The following DMD variants were observed in gnomAD, a reference collection of about 807,000 sequenced individuals.
DMD encodes mutant dystrophin.
A neutral mutation model predicts 330.1 loss-of-function variants in DMD; 63 were observed. That is an observed-to-expected ratio of 0.19 (90% confidence interval 0.16 to 0.24). DMD has a LOEUF of 0.24. Among genes scored for constraint, DMD ranks in the 10% least tolerant of loss-of-function variants. DMD has a pLI of 1.00. For synonymous variants in DMD, 1,223 were observed against 959.8 expected, an observed-to-expected ratio of 1.27 and a Z score of -5.07; for missense variants, 3,344 against 2,684.1, an observed-to-expected ratio of 1.25 and a Z score of -5.43.
chrX:31,320,916 T>G (rs1408469075), intron 62 of DMD, among the ~76,000 whole-genome samples: 1 of 111,397 alleles, frequency 9.0e-6, no homozygotes, highest in African/African-American at 3.3e-5. Context: ...AAGGTCTCCA[T>G]ACTCACCTTT....
chrX:33,027,302 A>G (rs1288484934), intron 1 of DMD, among the ~76,000 whole-genome samples: 1 of 111,639 alleles, frequency 9.0e-6, no homozygotes. Flanking sequence ...AAGATGTACG[A>G]AGAAGGCCGT....
Position 32,417,056 on chromosome X carries a change from T to A in DMD, c.4072-5143A>T, listed in dbSNP as rs184292041. 2.2e-3 allele frequency among the ~76,000 whole-genome samples: 245 copies of A among 112,211 alleles called. 1 individual carries two copies. The highest frequency in any genetic ancestry group is 4.0e-3 in the Non-Finnish European group (215 of 53,260). On this transcript the variant is annotated intron_variant, in intron 29 of 78. Transcript: ENST00000357033. ...CCTGACCTAACTCTTCTATTTAACTTAAGAGCAAGTGTGAAACTGTCACTA... is the reference window on the plus strand; with the variant it reads ...CCTGACCTAACTCTTCTATTTAACTAAAGAGCAAGTGTGAAACTGTCACTA...
intron 2 of DMD, among the ~76,000 whole-genome samples, chrX:32,925,143 GGGTT>G (rs1332628643): frequency 1.4e-5 from 1 of 73,956 alleles, no homozygotes; most frequent in Non-Finnish European, 2.5e-5. Flanking sequence ...CAAAAACTCT[GGGTT>G]TTTTTTTTTT....
At chrX:32,451,277 T>A (rs1013888019) in intron 26 of DMD, among the ~76,000 whole-genome samples, 1 of 111,267 alleles carries the variant, frequency 9.0e-6, no homozygotes, top group African/African-American at 3.3e-5. Flanking sequence ...GTGATTCTGA[T>A]GTCCATTCAG....
chrX:31,781,340 T>C (rs1445440230), intron 50 of DMD, among the ~76,000 whole-genome samples: 1 of 112,369 alleles, frequency 8.9e-6, no homozygotes, highest in African/African-American at 3.2e-5. Context: ...CTTACATGTC[T>C]CATTCAATAT....
At chrX:33,320,080 G>C (rs1381332874) in intron 1 of DMD, among the ~76,000 whole-genome samples, 2 of 111,253 alleles carry the variant, frequency 1.8e-5, no homozygotes, top group Non-Finnish European at 3.8e-5. Context: ...ATTGTATAGA[G>C]ATAAAAGCAG....
intron 43 of DMD, among the ~76,000 whole-genome samples, chrX:32,263,731 G>A (rs2097332851): frequency 9.0e-6 from 1 of 111,480 alleles, no homozygotes. Flanking sequence ...TCCTCTATAG[G>A]AAGGCCATCC....
chrX:31,981,162 A>G (rs1042480926), intron 44 of DMD, among the ~76,000 whole-genome samples: 5 of 111,786 alleles, frequency 4.5e-5, no homozygotes, highest in African/African-American at 1.6e-4. Context: ...ACAATGATCA[A>G]TTTAGACAAT....
chrX:31,312,436 T>C (rs1289828969), intron 62 of DMD, among the ~76,000 whole-genome samples: 1 of 112,110 alleles, frequency 8.9e-6, no homozygotes, highest in African/African-American at 3.2e-5. Flanking sequence ...AGAATGGTGA[T>C]TATTAAAAAG....
intron 1 of DMD, among the ~76,000 whole-genome samples, chrX:33,337,224 A>T (rs1423157225): frequency 1.8e-5 from 2 of 111,958 alleles, no homozygotes; most frequent in African/African-American, 3.2e-5. Flanking sequence ...GAGACAATTC[A>T]CAAAAGGAGA....
At chrX:32,935,028 GAGCGC>G (rs1354208229) in intron 2 of DMD, among the ~76,000 whole-genome samples, 1 of 113,125 alleles carries the variant, frequency 8.8e-6, no homozygotes, top group Non-Finnish European at 1.9e-5. Context: ...CCCCAGGCTG[GAGCGC>G]AGTGGCGCGA....
intron 48 of DMD, among the ~76,000 whole-genome samples, chrX:31,871,179 G>A (rs754489194): frequency 7.9e-4 from 88 of 111,299 alleles, no homozygotes; most frequent in Middle Eastern, 9.2e-3. Context: ...GGAAAGGGCT[G>A]TGATTACGCC....
chrX:31,889,645 T>TCACA (rs1335260703), intron 47 of DMD, among the ~76,000 whole-genome samples: 11 of 67,619 alleles, frequency 1.6e-4, no homozygotes, highest in South Asian at 1.6e-3. Flanking sequence ...TCTCTCTCTC[T>TCACA]CTCACACACA....
chrX:31,317,661 G>A (rs1307960429), intron 62 of DMD, among the ~76,000 whole-genome samples: 1 of 109,280 alleles, frequency 9.2e-6, no homozygotes. Context: ...ACAGGCGCCC[G>A]CCACCACGCC....
rs771509836 is a variant in DMD at position 31,729,706 on chromosome X, C to G, written c.7585G>C (p.Glu2529Gln). The G allele has an allele frequency of 4.5e-5, 55 of 1,211,645 alleles. No individual in the cohort carries two copies. The highest frequency in any genetic ancestry group is 5.9e-5 in the Non-Finnish European group (53 of 895,432). Residue 2529 changes from glutamate to glutamine, a missense_variant, in exon 52 of 79, where the codon GAA becomes CAA. Transcript: ENST00000357033. ...AAATTTTGGGCAGCGGTAATGAGTT[C>G]TTCCAACTGGGGACGCCTCTGTTCC... The part of the protein sequence containing the change: ...DLEQRRPQLE[E>Q]LITAAQNLKN...
At chrX:32,396,405 T>G (rs1401030162) in intron 30 of DMD, among the ~76,000 whole-genome samples, 2 of 111,548 alleles carry the variant, frequency 1.8e-5, no homozygotes, top group Non-Finnish European at 3.8e-5. Flanking sequence ...GAAATTCGCA[T>G]ATTTGTAGTA....
intron 44 of DMD, among the ~76,000 whole-genome samples, chrX:32,183,191 TACTC>T (rs1291961809): frequency 9.0e-6 from 1 of 111,136 alleles, no homozygotes; most frequent in Non-Finnish European, 1.9e-5. Flanking sequence ...CCTGCCAACT[TACTC>T]ACAATATTAT....
At chrX:32,614,972 T>C (rs1484605912) in intron 11 of DMD, among the ~76,000 whole-genome samples, 1 of 110,801 alleles carries the variant, frequency 9.0e-6, no homozygotes, top group Non-Finnish European at 1.9e-5. Flanking sequence ...TTTCTTCCTC[T>C]CTTGAAGCCT....
chrX:31,522,359 CTCTCTA>C (rs1185695131), intron 55 of DMD, among the ~76,000 whole-genome samples: 39 of 53,989 alleles, frequency 7.2e-4, no homozygotes, highest in Non-Finnish European at 1.0e-3. Context: ...CTCTCTCTCT[CTCTCTA>C]TATATATATA....
Sources: allele counts gnomAD v4.1 joint callset (sites outside exome capture counted in the v4.1 genomes callset), GRCh38; gene constraint gnomAD v4.1.1; transcripts MANE v1.5; gene names NCBI Gene and HGNC (gene_info 2026-07-23, HGNC 2026-07-21).